Variants in PHKB observed in about 807,000 individuals in gnomAD.
PHKB encodes phosphorylase b kinase regulatory subunit beta.
In PHKB, 122 loss-of-function variants were observed where a neutral mutation model predicts 152.1. The ratio of observed to expected loss-of-function variants is 0.80; its 90% CI spans 0.69 to 0.93. The LOEUF is 0.93. Among genes scored for constraint, PHKB ranks in the 40% least tolerant of loss-of-function variants. The probability of loss-of-function intolerance (pLI) is 0.00; values close to 1 mark genes in which losing one functional copy is unlikely to be tolerated. For synonymous variants in PHKB, 436 were observed against 464.9 expected, an observed-to-expected ratio of 0.94 and a Z score of 0.80; for missense variants, 1,304 against 1,328.4, an observed-to-expected ratio of 0.98 and a Z score of 0.29.
chr16:47,489,218 A>C lies in PHKB; in HGVS notation c.77-8181A>C, dbSNP rs187678325. 3.0e-4 allele frequency among the ~76,000 whole-genome samples: 45 copies of C among 152,168 alleles called. No homozygotes were observed. In the East Asian group the frequency reaches 6.8e-3, roughly 23 times the overall value. Reference sequence around the variant, plus strand: ...AGGTGCATGCCACCATGGCTGGCTAATTTTTTGTATTTTTAGTAGAGATGG... The same window carrying C: ...AGGTGCATGCCACCATGGCTGGCTACTTTTTTGTATTTTTAGTAGAGATGG... On this transcript the variant is annotated intron_variant, in intron 1 of 30. Coordinates refer to ENST00000323584, the MANE Select transcript of PHKB (RefSeq NM_000293.3).
intron 13 of PHKB, among the ~76,000 whole-genome samples, chr16:47,598,422 CCTCT>C (rs1369929677): frequency 1.3e-5 from 2 of 152,112 alleles, no homozygotes; most frequent in Admixed American, 1.3e-4. Context: ...CTTCCCATGA[CCTCT>C]CTGTTCATAG....
chr16:47,561,480 T>C (rs2032600457), intron 7 of PHKB: 1 of 152,258 alleles, frequency 6.6e-6, no homozygotes, highest in African/African-American at 2.4e-5. Context: ...ACCTTTTTTG[T>C]GAATTCTCTT....
At chr16:47,689,651 T>C (rs1017095976) in intron 27 of PHKB, among the ~76,000 whole-genome samples, 46 of 152,328 alleles carry the variant, frequency 3.0e-4, no homozygotes, top group Non-Finnish European at 4.3e-4. Context: ...AAACAAATAC[T>C]TGTGGATTGT....
At chr16:47,575,549 C>T (rs541406197) in intron 7 of PHKB, among the ~76,000 whole-genome samples, 2 of 152,176 alleles carry the variant, frequency 1.3e-5, no homozygotes, top group East Asian at 3.9e-4. Flanking sequence ...TCTTTTATAG[C>T]AACATGGATG....
chr16:47,561,768 A>C (rs1394998769), intron 7 of PHKB: 1 of 152,208 alleles, frequency 6.6e-6, no homozygotes, highest in Non-Finnish European at 1.5e-5. Flanking sequence ...AGACTGGATG[A>C]AAATATACTT....
intron 7 of PHKB, among the ~76,000 whole-genome samples, chr16:47,573,733 C>T (rs1971702153): frequency 6.6e-6 from 1 of 152,210 alleles, no homozygotes. Flanking sequence ...GCTTCCTGCT[C>T]ACCTCTCATT....
At chr16:47,630,661 A>G (rs1282784399) in intron 14 of PHKB, among the ~76,000 whole-genome samples, 1 of 152,156 alleles carries the variant, frequency 6.6e-6, no homozygotes, top group African/African-American at 2.4e-5. Context: ...TTACATGTCA[A>G]CTTGTCTGGA....
intron 1 of PHKB, 33 bp from the exon 2 acceptor site, chr16:47,497,366 C>G: frequency 7.6e-7 from 1 of 1,310,176 alleles, no homozygotes; most frequent in Non-Finnish European, 1.1e-6. Flanking sequence ...GTGAAAATGA[C>G]TGAATTTGAT....
At chr16:47,654,329 T>C (rs919305102) in intron 20 of PHKB, among the ~76,000 whole-genome samples, 20 of 152,072 alleles carry the variant, frequency 1.3e-4, no homozygotes, top group Non-Finnish European at 2.8e-4. Flanking sequence ...TGTGGAGAAA[T>C]AGGAACACTT....
chr16:47,476,671 A>C (rs1002642160), intron 1 of PHKB, among the ~76,000 whole-genome samples: 2 of 152,162 alleles, frequency 1.3e-5, no homozygotes, highest in Non-Finnish European at 2.9e-5. Flanking sequence ...AAATTCTACT[A>C]TTTAAATATT....
Position 47,650,950 on chromosome 16 carries a change from A to G in PHKB, c.1971+29A>G, listed in dbSNP as rs974712790. The G allele has an allele frequency of 2.1e-6, 3 of 1,420,010 alleles. No individual in the cohort carries two copies. Among genetic ancestry groups the G allele is most frequent in the Non-Finnish European group, 3.0e-6 (3 of 1,002,646 alleles). 88.0% of individuals were successfully genotyped at this position (1,420,010 alleles called of 1,614,324 possible). A position where few individuals can be genotyped will look rare whatever the true frequency, so the allele number is the denominator to read the frequency against. On this transcript the variant is annotated intron_variant, in intron 20 of 30. Coordinates refer to ENST00000323584, the MANE Select transcript of PHKB (RefSeq NM_000293.3). Reference sequence around the variant, plus strand: ...GCCTTCTGATTTTCAGTATGCATCTATTTTCAGGACAGTTAATCTACAATA... The same window carrying G: ...GCCTTCTGATTTTCAGTATGCATCTGTTTTCAGGACAGTTAATCTACAATA...
intron 1 of PHKB, among the ~76,000 whole-genome samples, chr16:47,483,910 G>C (rs753367474): frequency 1.3e-5 from 2 of 152,086 alleles, no homozygotes; most frequent in Non-Finnish European, 2.9e-5. Flanking sequence ...GTTGGCACTG[G>C]GGTTACTTTG....
intron 26 of PHKB, among the ~76,000 whole-genome samples, chr16:47,683,575 A>G (rs1180238216): frequency 1.3e-5 from 2 of 152,234 alleles, no homozygotes; most frequent in Non-Finnish European, 2.9e-5. Flanking sequence ...GGTGTGGGAT[A>G]TAATCTCCTG....
chr16:47,539,742 T>C (rs1330124229), intron 6 of PHKB, among the ~76,000 whole-genome samples: 3 of 152,186 alleles, frequency 2.0e-5, no homozygotes, highest in African/African-American at 7.2e-5. Context: ...TTCATGGGCA[T>C]TTATCACTTC....
intron 13 of PHKB, 102 bp downstream of exon 13, chr16:47,596,633 C>G: frequency 9.0e-7 from 1 of 1,114,254 alleles, no homozygotes; most frequent in Non-Finnish European, 1.4e-6. Flanking sequence ...GGTGGTGTTT[C>G]ATGGTCTTGA....
intron 7 of PHKB, among the ~76,000 whole-genome samples, chr16:47,563,947 A>C (rs905230957): frequency 6.6e-6 from 1 of 151,226 alleles, no homozygotes; most frequent in Non-Finnish European, 1.5e-5. Context: ...CACCTAGGAT[A>C]AGGCCCCCAA....
intron 7 of PHKB, among the ~76,000 whole-genome samples, chr16:47,575,453 G>A (rs555359893): frequency 1.1e-4 from 16 of 152,146 alleles, no homozygotes; most frequent in Admixed American, 4.6e-4. Context: ...ATCAACCTAC[G>A]TATTCATCAA....
At chr16:47,554,085 G>T (rs370153173) in intron 7 of PHKB, among the ~76,000 whole-genome samples, 1 of 152,188 alleles carries the variant, frequency 6.6e-6, no homozygotes, top group Non-Finnish European at 1.5e-5. Context: ...TTCACAGCTT[G>T]CAAGAAGGGA....
chr16:47,697,283 C>G (rs764844071), intron 29 of PHKB, among the ~76,000 whole-genome samples: 11 of 152,186 alleles, frequency 7.2e-5, no homozygotes, highest in Non-Finnish European at 1.3e-4. Flanking sequence ...ATGTCTGGAG[C>G]TGCAGTCAGA....
Sources: gnomAD v4.1 joint callset for allele counts (sites outside exome capture counted in the v4.1 genomes callset) on GRCh38, gnomAD v4.1.1 for gene constraint, MANE v1.5 for transcripts, NCBI Gene and HGNC (gene_info 2026-07-23, HGNC 2026-07-21) for gene names.